The following FHIT variants were observed in gnomAD, a reference collection of about 807,000 sequenced individuals.
FHIT encodes the protein bis(5'-adenosyl)-triphosphatase.
FHIT carries 19 observed loss-of-function variants against 17.9 expected under a neutral mutation model. The ratio of observed to expected loss-of-function variants is 1.06; its 90% CI spans 0.74 to 1.56. FHIT has a LOEUF of 1.56. Ranked by LOEUF, FHIT falls within the 40% of genes most tolerant of loss-of-function variation. FHIT has a pLI of 0.00. For synonymous variants in FHIT, 81 were observed against 69.7 expected (o/e 1.16, Z -0.81); for missense variants, 248 against 189.2 (o/e 1.31, Z -1.82).
chr3:60,572,631 G>C (rs1553656117), intron 4 of FHIT, among the ~76,000 whole-genome samples: 1 of 151,844 alleles, frequency 6.6e-6, no homozygotes, highest in East Asian at 1.9e-4. Context: ...CACACCCTGT[G>C]GTTTCTTTTC....
At chr3:60,935,975 A>G (rs557496345) in intron 3 of FHIT, among the ~76,000 whole-genome samples, 1 of 152,306 alleles carries the variant, frequency 6.6e-6, no homozygotes, top group South Asian at 2.1e-4. Context: ...AAGTGAGTAA[A>G]TGAATATGGT....
chr3:61,216,794 C>G (rs1576242703), intron 1 of FHIT, among the ~76,000 whole-genome samples: 1 of 152,266 alleles, frequency 6.6e-6, no homozygotes, highest in South Asian at 2.1e-4. Context: ...CACATATATA[C>G]CATGGAATAC....
At chr3:60,547,589 A>G (rs1037533528) in intron 4 of FHIT, among the ~76,000 whole-genome samples, 1 of 152,170 alleles carries the variant, frequency 6.6e-6, no homozygotes, top group African/African-American at 2.4e-5. Context: ...TTCAGCCATA[A>G]AAGGTAGCCT....
chr3:61,179,502 G>C (rs2038265284), intron 2 of FHIT, among the ~76,000 whole-genome samples: 2 of 151,666 alleles, frequency 1.3e-5, no homozygotes, highest in African/African-American at 4.8e-5. Flanking sequence ...CGAGGGCAGG[G>C]GTTCAAGACC....
intron 4 of FHIT, among the ~76,000 whole-genome samples, chr3:60,661,130 TTC>T (rs1343152699): frequency 1.3e-5 from 2 of 152,116 alleles, no homozygotes; most frequent in Non-Finnish European, 2.9e-5. Flanking sequence ...TAGCCATGGT[TTC>T]TGAGATTTTG....
At chr3:60,408,009 T>G (rs1284166902) in intron 5 of FHIT, among the ~76,000 whole-genome samples, 1 of 152,172 alleles carries the variant, frequency 6.6e-6, no homozygotes, top group African/African-American at 2.4e-5. Flanking sequence ...AAACGAAGGC[T>G]CTACCAATGA....
intron 5 of FHIT, among the ~76,000 whole-genome samples, chr3:60,398,290 T>A (rs140402472): frequency 6.6e-6 from 1 of 152,024 alleles, no homozygotes; most frequent in African/African-American, 2.4e-5. Context: ...TAAGCAAGAG[T>A]TTCTGCAACT....
chr3:60,028,841 G>A (rs1364699609), intron 5 of FHIT, among the ~76,000 whole-genome samples: 4 of 152,136 alleles, frequency 2.6e-5, no homozygotes, highest in Non-Finnish European at 5.9e-5. Context: ...ACCAGAGGAA[G>A]TGACATCAAA....
intron 5 of FHIT, among the ~76,000 whole-genome samples, chr3:60,379,742 T>A (rs6780483): frequency 6.6e-6 from 1 of 151,878 alleles, no homozygotes; most frequent in South Asian, 2.1e-4. Flanking sequence ...GATCCATTTT[T>A]GAAAAAAGGA....
chr3:60,878,400 C>G (rs1481877722), intron 3 of FHIT, among the ~76,000 whole-genome samples: 1 of 152,042 alleles, frequency 6.6e-6, no homozygotes, highest in Non-Finnish European at 1.5e-5. Flanking sequence ...GTTTAATTAT[C>G]CCCATTGTGA....
At chr3:60,098,472 A>G (rs1314419055) in intron 5 of FHIT, among the ~76,000 whole-genome samples, 3 of 151,692 alleles carry the variant, frequency 2.0e-5, no homozygotes, top group African/African-American at 7.3e-5. Context: ...GCCAGTGATG[A>G]TGAGCATTTT....
At chr3:61,006,687 C>T (rs2031474210) in intron 3 of FHIT, among the ~76,000 whole-genome samples, 1 of 150,480 alleles carries the variant, frequency 6.6e-6, no homozygotes, top group South Asian at 2.1e-4. Flanking sequence ...CACATTTTCT[C>T]TTTATAGAAA....
chr3:60,334,351 A>G (rs932490030), intron 5 of FHIT, among the ~76,000 whole-genome samples: 18 of 152,182 alleles, frequency 1.2e-4, no homozygotes, highest in East Asian at 1.9e-4. Flanking sequence ...GCTCAGACCA[A>G]TTTTAAAGGA....
chr3:60,359,163 CA>C (rs1176945780), intron 5 of FHIT, among the ~76,000 whole-genome samples: 1 of 151,850 alleles, frequency 6.6e-6, no homozygotes, highest in Non-Finnish European at 1.5e-5. Context: ...AATTACACAG[CA>C]GAGATTTTCC....
At chr3:60,586,626 T>C (rs1553662128) in intron 4 of FHIT, among the ~76,000 whole-genome samples, 2 of 151,760 alleles carry the variant, frequency 1.3e-5, no homozygotes, top group South Asian at 2.1e-4. Flanking sequence ...ATAAAGAAAA[T>C]GTTGTATATA....
chr3:60,453,657 T>C (rs2031895936), intron 5 of FHIT, among the ~76,000 whole-genome samples: 1 of 152,146 alleles, frequency 6.6e-6, no homozygotes, highest in South Asian at 2.1e-4. Context: ...TAAGTTAATC[T>C]CTTCACCACC....
chr3:60,337,951 G>T, intron 5 of FHIT, among the ~76,000 whole-genome samples: 1 of 152,164 alleles, frequency 6.6e-6, no homozygotes, highest in East Asian at 1.9e-4. Context: ...TTACTATCAA[G>T]CCTGGGCATT....
intron 5 of FHIT, among the ~76,000 whole-genome samples, chr3:60,482,979 A>G (rs1349490001): frequency 6.6e-6 from 1 of 152,156 alleles, no homozygotes; most frequent in Non-Finnish European, 1.5e-5. Context: ...CACACAATAA[A>G]AAAATGATAA....
At chr3:60,616,051 G>A (rs1166895534) in intron 4 of FHIT, among the ~76,000 whole-genome samples, 1 of 152,164 alleles carries the variant, frequency 6.6e-6, no homozygotes, top group Non-Finnish European at 1.5e-5. Flanking sequence ...TAACACCCTT[G>A]TCAGTAATAT....
Sources: allele counts gnomAD v4.1 joint callset (sites outside exome capture counted in the v4.1 genomes callset), GRCh38; gene constraint gnomAD v4.1.1; transcripts MANE v1.5; gene names NCBI Gene and HGNC (gene_info 2026-07-23, HGNC 2026-07-21).